The following PRICKLE2 variants were observed in gnomAD, a reference collection of about 807,000 sequenced individuals.
PRICKLE2 encodes prickle planar cell polarity protein 2, also known as prickle-like protein 2.
A neutral mutation model predicts 81.4 loss-of-function variants in PRICKLE2; 21 were observed. That is an observed-to-expected ratio of 0.26 (90% CI 0.18 to 0.37). The LOEUF (loss-of-function observed/expected upper bound fraction) is 0.37. Among genes scored for constraint, PRICKLE2 ranks in the 10% least tolerant of loss-of-function variants. PRICKLE2 has a pLI of 1.00. For synonymous variants in PRICKLE2, 456 were observed against 421.5 expected (o/e 1.08, Z -1.00); for missense variants, 940 against 1,109.0 (o/e 0.85, Z 2.16).
intron 4 of PRICKLE2, among the ~76,000 whole-genome samples, chr3:64,159,027 C>T (rs556550578): frequency 2.8e-4 from 43 of 152,290 alleles, no homozygotes; most frequent in Non-Finnish European, 5.4e-4. Context: ...ACGATCAGCA[C>T]TGGAAAGCCT....
rs1575662035 is a variant in PRICKLE2, at chr3:64,203,139, C to A, written c.-40-4172G>T. On this transcript the variant is annotated intron_variant, in intron 1 of 7. Coordinates refer to ENST00000638394, the MANE Select transcript of PRICKLE2 (RefSeq NM_198859.4). ...CTGATTTTGGCTTGTCAGATTCCCC[C>A]ACTTTCTGCTTCTCATCAAATCAGA... Among the ~76,000 whole-genome samples, 3 of 152,286 alleles carry A rather than the reference C, an allele frequency of 2.0e-5. No individual in the cohort carries two copies. The South Asian group carries it at 6.2e-4, about 32-fold the overall frequency.
chr3:64,159,844 C>T, intron 4 of PRICKLE2, 96 bp downstream of exon 4: 1 of 1,487,378 alleles, frequency 6.7e-7, no homozygotes, highest in East Asian at 2.3e-5. Flanking sequence ...GTATCTCAGG[C>T]ACATAGTAGG....
chr3:64,114,735 A>C (rs2076908078), intron 7 of PRICKLE2, among the ~76,000 whole-genome samples: 1 of 152,190 alleles, frequency 6.6e-6, no homozygotes, highest in Admixed American at 6.5e-5. Flanking sequence ...TAAAGGGACC[A>C]AATCTATGAC....
intron 2 of PRICKLE2, among the ~76,000 whole-genome samples, chr3:64,195,773 T>G (rs1158173991): frequency 6.6e-6 from 1 of 152,236 alleles, no homozygotes; most frequent in Non-Finnish European, 1.5e-5. Flanking sequence ...ACATGCAATA[T>G]GACCCCTTCA....
intron 2 of PRICKLE2, chr3:64,194,417 A>T (rs1023648215): frequency 6.6e-6 from 1 of 152,234 alleles, no homozygotes; most frequent in Non-Finnish European, 1.5e-5. Flanking sequence ...ACTTCCACCC[A>T]GTGATCCTCC....
chr3:64,190,496 T>A (rs2078313301), intron 2 of PRICKLE2: 1 of 152,182 alleles, frequency 6.6e-6, no homozygotes. Context: ...AAACCTTAAG[T>A]CTCTTGTTTA....
upstream of PRICKLE2, among the ~76,000 whole-genome samples, chr3:64,227,675 A>T (rs1279936763): frequency 6.6e-6 from 1 of 152,168 alleles, no homozygotes; most frequent in Non-Finnish European, 1.5e-5. Flanking sequence ...AGGTCCTTAT[A>T]TGTAACCTAG....
chr3:64,258,015 G>A (rs1176948296), intron 2 of PRICKLE2, among the ~76,000 whole-genome samples: 3 of 152,090 alleles, frequency 2.0e-5, no homozygotes, highest in Admixed American at 6.5e-5. Context: ...ATCAAACACC[G>A]AACCTGCAGG....
intron 2 of PRICKLE2, among the ~76,000 whole-genome samples, chr3:64,192,430 G>C (rs1353948883): frequency 6.6e-6 from 1 of 152,194 alleles, no homozygotes; most frequent in Non-Finnish European, 1.5e-5. Context: ...AACAAAAATT[G>C]CAGGGTTTGC....
chr3:64,249,526 C>A (rs1344359710), intron 2 of PRICKLE2, among the ~76,000 whole-genome samples: 2 of 152,154 alleles, frequency 1.3e-5, no homozygotes, highest in African/African-American at 4.8e-5. Context: ...AGGCTCAGTA[C>A]AAAAGATTAA....
intron 2 of PRICKLE2, among the ~76,000 whole-genome samples, chr3:64,243,436 C>A (rs145478037): frequency 6.6e-6 from 1 of 152,276 alleles, no homozygotes; most frequent in East Asian, 1.9e-4. Context: ...CAAAATTGCC[C>A]CCCTTGGGAA....
At chr3:64,207,362 C>G (rs2078705348) in intron 1 of PRICKLE2, among the ~76,000 whole-genome samples, 1 of 152,074 alleles carries the variant, frequency 6.6e-6, no homozygotes, top group African/African-American at 2.4e-5. Context: ...AAAAAATTTT[C>G]AAAACACTCA....
intron 1 of PRICKLE2, 113 bp from the exon 2 acceptor site, chr3:64,199,080 T>C: frequency 3.2e-6 from 3 of 950,232 alleles, no homozygotes; most frequent in Non-Finnish European, 4.9e-6. Flanking sequence ...TCCTTGGCAA[T>C]GGGCATCGGG....
Position 64,162,013 on chromosome 3 carries a change from A to G in PRICKLE2, c.258+1003T>C, listed in dbSNP as rs958722658. ...AGCTCTCTTTTTAGGGAACTGCTTCAGTTTTAAAGTTTTTGTCCTGCTTAC... is the reference window on the plus strand; with the variant it reads ...AGCTCTCTTTTTAGGGAACTGCTTCGGTTTTAAAGTTTTTGTCCTGCTTAC... On this transcript the variant is annotated intron_variant, in intron 3 of 7. Coordinates refer to ENST00000638394, the MANE Select transcript of PRICKLE2 (RefSeq NM_198859.4). Among the ~76,000 whole-genome samples, 8 of 152,276 alleles carry G rather than the reference A, an allele frequency of 5.3e-5. 1 individual carries two copies. Among genetic ancestry groups the G allele is most frequent in the Middle Eastern group, 6.8e-3 (2 of 294 alleles).
intron 1 of PRICKLE2, among the ~76,000 whole-genome samples, chr3:64,221,524 G>A (rs1219371821): frequency 6.6e-6 from 1 of 151,828 alleles, no homozygotes; most frequent in Non-Finnish European, 1.5e-5. Flanking sequence ...ACAGAGCAAA[G>A]GGGCAAATGT....
intron 7 of PRICKLE2, among the ~76,000 whole-genome samples, chr3:64,109,652 C>T (rs2076812784): frequency 6.6e-6 from 1 of 152,344 alleles, no homozygotes; most frequent in Middle Eastern, 3.4e-3. Context: ...CAGGCTTGGC[C>T]TGCCTTCCCT....
intron 2 of PRICKLE2, among the ~76,000 whole-genome samples, chr3:64,230,813 T>G (rs1010353549): frequency 6.6e-6 from 1 of 152,230 alleles, no homozygotes; most frequent in Non-Finnish European, 1.5e-5. Context: ...CTGAGATATA[T>G]AAAGTACTGT....
In PRICKLE2 at chr3:64,099,328, G is replaced by A; in HGVS notation, c.2258C>T (p.Ser753Leu). Residue 753 changes from serine (S) to leucine (L), a missense_variant, in exon 8 of 8, where the codon TCG becomes TTG. Ser to Leu is a moderately radical substitution (Grantham distance 145). This residue lies in a region of PRICKLE2 where 670 missense variants were observed against 717.2 expected (regional missense o/e 0.93). Coordinates refer to ENST00000638394, the MANE Select transcript of PRICKLE2 (RefSeq NM_198859.4). The surrounding 1 kb of genome is among the most constrained non-coding windows in gnomAD (Gnocchi z 4.3). ...AAAGGCATTCTGCAAAGCCAGGTCC[G>A]ACACAGTCCTAGGGCACTGGCCGTA... is the stretch of plus-strand genomic sequence containing the variant. ...DLYGQCPRTV[S>L]DLALQNAFGD... 6.2e-7 allele frequency: 1 copy of A among 1,614,190 alleles called. No individual in the cohort carries two copies. Among genetic ancestry groups the A allele is most frequent in the South Asian group, 1.1e-5 (1 of 91,078 alleles).
intron 3 of PRICKLE2, 90 bp downstream of exon 3, chr3:64,162,926 G>A (rs2077757518): frequency 8.0e-6 from 7 of 874,406 alleles, no homozygotes; most frequent in Admixed American, 6.8e-5. Flanking sequence ...GTTCTTCTTC[G>A]GCTACCTCAT....
Sources: gnomAD v4.1 joint callset for allele counts (sites outside exome capture counted in the v4.1 genomes callset) on GRCh38, gnomAD v4.1.1 for gene constraint, gnomAD v4.1.1 regional missense constraint, Gnocchi (gnomAD v3.1) non-coding constraint, MANE v1.5 for transcripts, NCBI Gene and HGNC (gene_info 2026-07-23, HGNC 2026-07-21) for gene names.